Variants in PPM1B observed in about 807,000 individuals in gnomAD.
The protein encoded by PPM1B is protein phosphatase 1B.
A neutral mutation model predicts 43.0 loss-of-function variants in PPM1B; 22 were observed. That is an observed-to-expected ratio of 0.51 (90% CI 0.37 to 0.73). The LOEUF is 0.73. Among genes scored for constraint, PPM1B ranks in the 30% least tolerant of loss-of-function variants. The pLI is 0.00. For missense variants in PPM1B, 632 were observed against 584.2 expected (o/e 1.08, Z -0.84); for synonymous variants, 217 against 197.9 (o/e 1.10, Z -0.81).
At chr2:44,221,498 C>G (rs1669974827) in intron 5 of PPM1B, among the ~76,000 whole-genome samples, 1 of 152,016 alleles carries the variant, frequency 6.6e-6, no homozygotes, top group Non-Finnish European at 1.5e-5. Context: ...TCGCCGGGAG[C>G]TGGATGTTAA....
rs528544295 is a variant in PPM1B, at chr2:44,171,328, G to C, written c.-15+2054G>C. Among the ~76,000 whole-genome samples the C allele has an allele frequency of 2.4e-4, 36 of 152,304 alleles. 1 individual carries two copies. The highest frequency in any genetic ancestry group is 1.5e-5 in the Non-Finnish European group (1 of 68,034). On this transcript the variant is annotated intron_variant, in intron 1 of 5. Transcript: ENST00000282412. ...TTACATCATCTGAAGGAATAGTGTA[G>C]TGTCCAAGTAACTGTGCTTCTAAGA... is the stretch of plus-strand genomic sequence containing the variant.
intron 1 of PPM1B, among the ~76,000 whole-genome samples, chr2:44,198,046 T>C (rs1346127443): frequency 1.3e-5 from 2 of 152,224 alleles, no homozygotes; most frequent in African/African-American, 4.8e-5. Context: ...CAGATTGTGC[T>C]GTTCTTAAGC....
In PPM1B at chr2:44,195,136, G is replaced by T. The variant is rs1041943405; in HGVS notation, c.-14-6050G>T. ...TCAAACTCCTGACCTCAGGTGATCT[G>T]CCCGTCTCGGCCTCCCAAAGTGCTG... On this transcript the variant is annotated intron_variant, in intron 1 of 5. Transcript: ENST00000282412. Among the ~76,000 whole-genome samples, 9 of 150,932 alleles carry T rather than the reference G, an allele frequency of 6.0e-5. 1 individual carries two copies. The highest frequency in any genetic ancestry group is 5.9e-4 in the Admixed American group (9 of 15,128).
chr2:44,192,321 G>A (rs952480972), intron 1 of PPM1B, among the ~76,000 whole-genome samples: 6 of 151,994 alleles, frequency 3.9e-5, no homozygotes, highest in South Asian at 2.1e-4. Flanking sequence ...GGATTCAAGC[G>A]ATTTTCCTGT....
intron 3 of PPM1B, among the ~76,000 whole-genome samples, chr2:44,215,947 A>G (rs1392154595): frequency 6.6e-6 from 1 of 152,230 alleles, no homozygotes; most frequent in African/African-American, 2.4e-5. Context: ...TGACAACAGC[A>G]AAGACTAGGA....
chr2:44,183,800 G>A (rs907788020), intron 1 of PPM1B, among the ~76,000 whole-genome samples: 2 of 152,044 alleles, frequency 1.3e-5, no homozygotes, highest in African/African-American at 4.8e-5. Flanking sequence ...GTGCAGTGGC[G>A]CGATCTCGGC....
chr2:44,169,879 C>T (rs1356686947), intron 1 of PPM1B, among the ~76,000 whole-genome samples: 1 of 152,176 alleles, frequency 6.6e-6, no homozygotes, highest in African/African-American at 2.4e-5. Flanking sequence ...TCATTCCTAA[C>T]AGTGAAGTTC....
chr2:44,210,710 C>G (rs930015931), intron 3 of PPM1B, among the ~76,000 whole-genome samples: 2 of 152,130 alleles, frequency 1.3e-5, no homozygotes, highest in Non-Finnish European at 2.9e-5. Context: ...TCTCTCTCCT[C>G]TTATTCCCCT....
chr2:44,243,418 T>A (rs76864429), intron 5 of PPM1B, among the ~76,000 whole-genome samples: 1 of 152,226 alleles, frequency 6.6e-6, no homozygotes, highest in African/African-American at 2.4e-5. Context: ...GAATTTTCTT[T>A]AACAGTTTCA....
At chr2:44,221,440 C>G (rs982396300) in intron 5 of PPM1B, among the ~76,000 whole-genome samples, 3 of 152,124 alleles carry the variant, frequency 2.0e-5, no homozygotes, top group Non-Finnish European at 4.4e-5. Context: ...TAGCAAAAAG[C>G]TAGCCGCAAA....
At chr2:44,229,910 T>A (rs971593764) in intron 5 of PPM1B, 10 of 1,262,452 alleles carry the variant, frequency 7.9e-6, no homozygotes, top group African/African-American at 1.6e-5. Context: ...TAAATACAAT[T>A]TTTATCCGTA....
intron 1 of PPM1B, among the ~76,000 whole-genome samples, chr2:44,172,594 A>G (rs766568082): frequency 2.0e-5 from 3 of 152,168 alleles, no homozygotes; most frequent in Non-Finnish European, 4.4e-5. Context: ...TTTTGGATTA[A>G]TTTAAGTATG....
downstream of PPM1B, among the ~76,000 whole-genome samples, chr2:44,231,965 T>G (rs918551268): frequency 6.6e-6 from 1 of 152,334 alleles, no homozygotes; most frequent in East Asian, 1.9e-4. Context: ...TATATTTATA[T>G]CATGTGTCTA....
intron 1 of PPM1B, among the ~76,000 whole-genome samples, chr2:44,192,161 T>C (rs1668432732): frequency 6.8e-6 from 1 of 147,280 alleles, no homozygotes; most frequent in South Asian, 2.2e-4. Flanking sequence ...TTAATTATTT[T>C]TATTTTATGT....
chr2:44,226,768 G>C (rs548937564), intron 5 of PPM1B, among the ~76,000 whole-genome samples: 74 of 136,008 alleles, frequency 5.4e-4, no homozygotes, highest in African/African-American at 1.9e-3. Context: ...TTGGTTTGGG[G>C]GTTTTCGGGG....
chr2:44,238,761 T>G (rs576251021), downstream of PPM1B, among the ~76,000 whole-genome samples: 9 of 152,126 alleles, frequency 5.9e-5, no homozygotes, highest in African/African-American at 2.2e-4. Context: ...CATTCTTAAG[T>G]CTAGTTTACT....
rs1421999365 is a variant in PPM1B at position 44,231,287 on chromosome 2, A to G, written c.*569A>G. The G allele has an allele frequency of 2.1e-5, 21 of 978,410 alleles. No homozygotes were observed. The highest frequency in any genetic ancestry group is 2.5e-5 in the Non-Finnish European group (21 of 823,692). The allele number at this position is 978,410 out of a possible 1,614,324, so 60.6% of individuals were successfully genotyped here. ...GTTGTGAGATATTGGATGTGTGGCT[A>G]TTTTTCCTTTCTCTGTATTCTTTAT... is the stretch of plus-strand genomic sequence containing the variant. On this transcript the variant is annotated 3_prime_UTR_variant, in exon 6 of 6. Transcript: ENST00000282412.
intron 1 of PPM1B, among the ~76,000 whole-genome samples, chr2:44,199,766 T>A (rs1668844376): frequency 1.3e-5 from 2 of 152,230 alleles, no homozygotes; most frequent in South Asian, 4.1e-4. Flanking sequence ...CTTTCAGGAC[T>A]CTTTTTCTAT....
chr2:44,191,575 C>T (rs1055487487), intron 1 of PPM1B, among the ~76,000 whole-genome samples: 1 of 152,170 alleles, frequency 6.6e-6, no homozygotes. Context: ...CATTTTCCAG[C>T]TACTTTGTTT....
Sources: allele counts gnomAD v4.1 joint callset (sites outside exome capture counted in the v4.1 genomes callset), GRCh38; gene constraint gnomAD v4.1.1; transcripts MANE v1.5; gene names NCBI Gene and HGNC (gene_info 2026-07-23, HGNC 2026-07-21).